Variants in TRPC6 observed in about 807,000 individuals in gnomAD.
TRPC6 encodes transient receptor potential cation channel subfamily C member 6, also known as short transient receptor potential channel 6.
TRPC6 carries 55 observed loss-of-function variants against 90.7 expected under a neutral mutation model. The observed-to-expected ratio is 0.61, with a 90% CI of 0.49 to 0.76. The LOEUF (loss-of-function observed/expected upper bound fraction) is 0.76, where lower values mean the gene tolerates loss of function less well. Ranked by LOEUF, TRPC6 falls within the 30% of genes least tolerant of loss-of-function variation. TRPC6 has a pLI of 0.00. For missense variants in TRPC6, 989 were observed against 1,122.7 expected (o/e 0.88, Z 1.70); for synonymous variants, 393 against 393.0 (o/e 1.00, Z 0.00).
chr11:101,548,339 C>CAATAT (rs10633401), intron 1 of TRPC6, among the ~76,000 whole-genome samples: 50,408 of 135,606 alleles, frequency 0.37, 9,689 homozygotes, highest in East Asian at 0.56. Flanking sequence ...AATTGAAATA[C>CAATAT]AATATATAAT....
At chr11:101,527,222 G>T (rs1860800734) in intron 1 of TRPC6, among the ~76,000 whole-genome samples, 1 of 152,084 alleles carries the variant, frequency 6.6e-6, no homozygotes, top group Non-Finnish European at 1.5e-5. Context: ...ACCAAATAGG[G>T]TTTCTTGGTT....
intron 1 of TRPC6, among the ~76,000 whole-genome samples, chr11:101,525,272 A>C (rs981258844): frequency 9.2e-5 from 14 of 152,226 alleles, no homozygotes; most frequent in Non-Finnish European, 2.1e-4. Flanking sequence ...AGTTATTAAG[A>C]GTGTGATCTT....
chr11:101,466,030 G>A (rs769937793), intron 10 of TRPC6, among the ~76,000 whole-genome samples: 8 of 152,082 alleles, frequency 5.3e-5, no homozygotes, highest in Admixed American at 1.3e-4. Flanking sequence ...CCTTCTAATC[G>A]TCAGGCCCCT....
intron 1 of TRPC6, among the ~76,000 whole-genome samples, chr11:101,507,942 A>G (rs1860312034): frequency 6.6e-6 from 1 of 151,914 alleles, no homozygotes; most frequent in African/African-American, 2.4e-5. Flanking sequence ...ATTGTCCTTT[A>G]ATTTTCTTAT....
chr11:101,570,106 C>G (rs1217510036), intron 1 of TRPC6, among the ~76,000 whole-genome samples: 1 of 151,832 alleles, frequency 6.6e-6, no homozygotes, highest in African/African-American at 2.4e-5. Context: ...TAAAGATCAA[C>G]AAACTAGATA....
intron 2 of TRPC6, among the ~76,000 whole-genome samples, chr11:101,492,454 G>A (rs1465520730): frequency 6.6e-6 from 1 of 152,028 alleles, no homozygotes; most frequent in Non-Finnish European, 1.5e-5. Flanking sequence ...GAGTGGGGAT[G>A]TGTGCCTGTC....
chr11:101,491,780 CCA>C, intron 2 of TRPC6, 42 bp from the exon 3 acceptor site: 1 of 1,561,928 alleles, frequency 6.4e-7, no homozygotes, highest in African/African-American at 1.4e-5. Context: ...ATGGAGAATA[CCA>C]CGTTTTACTA....
chr11:101,575,057 G>A (rs758547165), intron 1 of TRPC6, among the ~76,000 whole-genome samples: 2 of 152,028 alleles, frequency 1.3e-5, no homozygotes, highest in East Asian at 3.9e-4. Context: ...ATTGATTCCT[G>A]GCAACTTATA....
intron 2 of TRPC6, among the ~76,000 whole-genome samples, chr11:101,494,573 T>G (rs1859900382): frequency 6.6e-6 from 1 of 152,198 alleles, no homozygotes; most frequent in Non-Finnish European, 1.5e-5. Context: ...TAGTGAATTC[T>G]TAGTCCTTTT....
intron 1 of TRPC6, among the ~76,000 whole-genome samples, chr11:101,571,440 C>G (rs60428691): frequency 2.6e-5 from 4 of 152,132 alleles, no homozygotes; most frequent in African/African-American, 9.7e-5. Flanking sequence ...AATGGCCATA[C>G]TACCCAAAGT....
intron 1 of TRPC6, chr11:101,520,024 A>C (rs1244843838): frequency 1.3e-5 from 2 of 151,942 alleles, no homozygotes; most frequent in Non-Finnish European, 2.9e-5. Flanking sequence ...CTGAGCACAC[A>C]CTCTCAATTC....
intron 4 of TRPC6, among the ~76,000 whole-genome samples, chr11:101,484,403 C>T (rs191295516): frequency 2.3e-4 from 35 of 152,188 alleles, no homozygotes; most frequent in African/African-American, 8.2e-4. Flanking sequence ...TTTTAAGACT[C>T]GGAAAAGATA....
intron 10 of TRPC6, among the ~76,000 whole-genome samples, chr11:101,463,097 G>A (rs1384900285): frequency 4.6e-5 from 7 of 152,182 alleles, no homozygotes; most frequent in South Asian, 2.1e-4. Flanking sequence ...TTCTGTTTAC[G>A]TGATGGATTA....
At chr11:101,464,761 T>C (rs1457593604) in intron 10 of TRPC6, among the ~76,000 whole-genome samples, 1 of 152,182 alleles carries the variant, frequency 6.6e-6, no homozygotes, top group Non-Finnish European at 1.5e-5. Flanking sequence ...CCAGTCTGTG[T>C]CTTTTAATTG....
At chr11:101,476,114 AG>A (rs1450618160) in intron 6 of TRPC6, among the ~76,000 whole-genome samples, 186 bp downstream of exon 6, 1 of 152,152 alleles carries the variant, frequency 6.6e-6, no homozygotes, top group Admixed American at 6.5e-5. Context: ...TTTTCCAGGG[AG>A]TAGAAAAATC....
chr11:101,494,564 A>G (rs1859900152), intron 2 of TRPC6, among the ~76,000 whole-genome samples: 1 of 152,220 alleles, frequency 6.6e-6, no homozygotes, highest in African/African-American at 2.4e-5. Context: ...GTTCAAGTAT[A>G]GTGAATTCTT....
intron 1 of TRPC6, among the ~76,000 whole-genome samples, chr11:101,553,000 A>G (rs997715679): frequency 6.6e-6 from 1 of 152,132 alleles, no homozygotes; most frequent in Admixed American, 6.6e-5. Flanking sequence ...GTATTTGGCT[A>G]ATGTGAAAAG....
At chr11:101,461,335 T>A (rs1226943363) in intron 10 of TRPC6, among the ~76,000 whole-genome samples, 2 of 152,080 alleles carry the variant, frequency 1.3e-5, no homozygotes, top group Non-Finnish European at 2.9e-5. Context: ...GAGGCTGAGG[T>A]AGGTGGATCA....
intron 5 of TRPC6, among the ~76,000 whole-genome samples, chr11:101,477,545 A>G (rs1859444811): frequency 6.6e-6 from 1 of 152,204 alleles, no homozygotes; most frequent in South Asian, 2.1e-4. Context: ...AGAATTATTA[A>G]TAGTACTGCA....
Sources: allele counts gnomAD v4.1 joint callset (sites outside exome capture counted in the v4.1 genomes callset), GRCh38; gene constraint gnomAD v4.1.1; transcripts MANE v1.5; gene names NCBI Gene and HGNC (gene_info 2026-07-23, HGNC 2026-07-21).